The following PSAP variants were observed in gnomAD, a reference collection of about 807,000 sequenced individuals.
PSAP encodes the protein prosaposin.
In PSAP, 25 loss-of-function variants were observed where a neutral mutation model predicts 66.0. The observed-to-expected ratio is 0.38, with a 90% confidence interval of 0.28 to 0.53. PSAP has a LOEUF of 0.53. Among genes scored for constraint, PSAP ranks in the 20% least tolerant of loss-of-function variants. The probability of loss-of-function intolerance (pLI) is 0.83; values close to 1 mark genes in which losing one functional copy is unlikely to be tolerated. For missense variants in PSAP, 649 were observed against 668.8 expected (o/e 0.97, Z 0.33); for synonymous variants, 273 against 258.9 (o/e 1.05, Z -0.52).
rs1267224261 is a variant in PSAP, at chr10:71,824,061, G to A, written c.777+1776C>T. 3.3e-5 allele frequency among the ~76,000 whole-genome samples: 5 copies of A among 152,178 alleles called. No individual in the cohort carries two copies. In the South Asian group the frequency reaches 8.3e-4, roughly 25 times the overall value. Reference sequence around the variant, plus strand: ...CAATCAGATCTTAGCAACCTACCTTGTTCCTGCTATCTTGCGGACAAGGGG... The same window carrying A: ...CAATCAGATCTTAGCAACCTACCTTATTCCTGCTATCTTGCGGACAAGGGG... On this transcript the variant is annotated intron_variant, in intron 7 of 13. Coordinates refer to ENST00000394936, the MANE Select transcript of PSAP (RefSeq NM_002778.4).
chr10:71,821,791 G>A, intron 8 of PSAP, 85 bp downstream of exon 8: 1 of 1,582,346 alleles, frequency 6.3e-7, no homozygotes. Flanking sequence ...AAAGAAACAA[G>A]TGACTCGTAA....
chr10:71,831,799 T>A (rs1261433707), intron 3 of PSAP, 47 bp downstream of exon 3: 1 of 1,564,296 alleles, frequency 6.4e-7, no homozygotes, highest in Non-Finnish European at 8.8e-7. Context: ...TAGGAACCAG[T>A]GCACGTGCCC....
chr10:71,822,048 G>A (rs748899800), intron 7 of PSAP, 41 bp from the exon 8 acceptor site: 10 of 1,613,332 alleles, frequency 6.2e-6, no homozygotes, highest in Middle Eastern at 1.6e-4. Flanking sequence ...GCAAGCCTAC[G>A]CCCACTGCTC....
rs1319856023 is a variant in PSAP, at chr10:71,819,122, A to G, written c.1351-11T>C. 6.2e-7 allele frequency: 1 copy of G among 1,612,342 alleles called. No homozygotes were observed. The stretch of plus-strand genomic sequence containing the variant: ...CACAAACTGATCACACTATAAAGGA[A>G]AGTGGGGACACAGGTCCAGCTCTGG... On this transcript the variant is annotated splice_polypyrimidine_tract_variant and intron_variant, in intron 11 of 13. Transcript: ENST00000394936.
At chr10:71,817,869 A>T (rs9415054) in intron 13 of PSAP, among the ~76,000 whole-genome samples, 59,587 of 152,092 alleles carry the variant, frequency 0.39, 12,296 homozygotes, top group South Asian at 0.5. Flanking sequence ...AAGCAGGCCC[A>T]CATTTCCCCA....
At position 71,831,129 on chromosome 10, in the gene PSAP, T is replaced by A; in HGVS notation, c.372A>T (p.Glu124Asp). 6.2e-7 allele frequency: 1 copy of A among 1,613,988 alleles called. No homozygotes were observed. ...AAGCCTATTCCCCATCACTTACCATTTCTCCTTTAATGATGTCCAGGATGA... is the reference window on the plus strand; with the variant it reads ...AAGCCTATTCCCCATCACTTACCATATCTCCTTTAATGATGTCCAGGATGA... ...LPVILDIIKG[E>D]MSRPGEVCSA... is the part of the protein sequence containing the mutation. Residue 124 changes from glutamate to aspartate, a missense_variant, in exon 4 of 14, where the codon GAA (glutamate) becomes GAT (aspartate). Glu to Asp is a conservative substitution (Grantham distance 45). Transcript: ENST00000394936.
At chr10:71,817,849 G>A (rs191275122) in intron 13 of PSAP, among the ~76,000 whole-genome samples, 6 of 152,330 alleles carry the variant, frequency 3.9e-5, no homozygotes, top group East Asian at 3.9e-4. Flanking sequence ...ACACCAGCTC[G>A]GGCCTTGAGA....
At chr10:71,825,770 A>C in intron 7 of PSAP, 67 bp downstream of exon 7, 1 of 1,470,220 alleles carries the variant, frequency 6.8e-7, no homozygotes, top group Admixed American at 1.7e-5. Flanking sequence ...AATTTTCAAA[A>C]TTCCTAGAAA....
intron 1 of PSAP, among the ~76,000 whole-genome samples, chr10:71,844,127 A>G (rs768094278): frequency 2.2e-4 from 34 of 152,254 alleles, no homozygotes; most frequent in Non-Finnish European, 3.7e-4. Flanking sequence ...AGTTTTAACA[A>G]TATCAAATGT....
intron 1 of PSAP, among the ~76,000 whole-genome samples, chr10:71,848,936 C>T (rs1842875212): frequency 6.6e-6 from 1 of 152,130 alleles, no homozygotes; most frequent in African/African-American, 2.4e-5. Flanking sequence ...GGAAGAGGGT[C>T]CCTTGGTTAA....
intron 5 of PSAP, 125 bp from the exon 6 acceptor site, chr10:71,828,282 C>T: frequency 1.0e-6 from 1 of 979,796 alleles, no homozygotes; most frequent in Non-Finnish European, 1.6e-6. Flanking sequence ...GCTTTACAGG[C>T]TCTCAAATTA....
rs752502422 is a variant in PSAP, at chr10:71,819,849, G to C, written c.1057C>G (p.Leu353Val). ...ACCACCTCCTGGCACTCTTCCGACA[G>C]GGACTTCGGCAGCTTCGAGCACATT... is the stretch of plus-strand genomic sequence containing the variant. ...DKMCSKLPKSLSEECQEVVDT... is the reference protein window; with the variant it reads ...DKMCSKLPKSVSEECQEVVDT... The change falls in exon 10 of 14, where the codon CTG becomes GTG. Residue 353 changes from leucine to valine, a missense_variant. Coordinates refer to ENST00000394936, the MANE Select transcript of PSAP (RefSeq NM_002778.4). 4 of 1,614,070 alleles carry C rather than the reference G, an allele frequency of 2.5e-6. No individual in the cohort carries two copies. In the African/African-American group the frequency reaches 5.3e-5, roughly 22 times the overall value.
chr10:71,821,706 G>C (rs1842303153), intron 8 of PSAP, among the ~76,000 whole-genome samples, 170 bp downstream of exon 8: 1 of 152,196 alleles, frequency 6.6e-6, no homozygotes, highest in Non-Finnish European at 1.5e-5. Context: ...AGGGTCGGGG[G>C]CTGCATTAGT....
chr10:71,819,992 T>C, intron 9 of PSAP, 92 bp from the exon 10 acceptor site: 104 of 993,112 alleles, frequency 1.0e-4, no homozygotes, highest in Non-Finnish European at 1.5e-4. Flanking sequence ...AGGAAATGAG[T>C]CAATGGTGGG....
intron 12 of PSAP, 22 bp from the exon 13 acceptor site, chr10:71,818,746 GAAGA>G: frequency 4.4e-6 from 7 of 1,592,112 alleles, no homozygotes; most frequent in South Asian, 1.1e-5. Context: ...GAAAAGGAAA[GAAGA>G]AAGGGGGAGA....
At chr10:71,819,333 C>T in intron 11 of PSAP, 132 bp downstream of exon 11, 1 of 1,384,052 alleles carries the variant, frequency 7.2e-7, no homozygotes, top group Non-Finnish European at 1.0e-6. Context: ...CAAATCACCT[C>T]CAAGTAAAAC....
chr10:71,833,622 TACC>T (rs923114065), intron 2 of PSAP, among the ~76,000 whole-genome samples: 1 of 152,202 alleles, frequency 6.6e-6, no homozygotes, highest in African/African-American at 2.4e-5. Flanking sequence ...ACACAGCCCG[TACC>T]ACATGATGGC....
chr10:71,840,297 C>T (rs921990075), intron 1 of PSAP, among the ~76,000 whole-genome samples: 4 of 152,124 alleles, frequency 2.6e-5, no homozygotes, highest in Admixed American at 1.3e-4. Flanking sequence ...ACCATGGCAA[C>T]AGGCAGGTTG....
rs1425722576 is a variant in PSAP at position 71,822,520 on chromosome 10, T to C, written c.778-513A>G. 1.3e-5 allele frequency: 6 copies of C among 459,504 alleles called. No individual in the cohort carries two copies. The East Asian group carries it at 3.5e-4, about 27-fold the overall frequency. 28.5% of individuals were successfully genotyped at this position (459,504 alleles called of 1,614,324 possible). A position where few individuals can be genotyped will look rare whatever the true frequency, so the allele number is the denominator to read the frequency against. ...GCTGGCTTTTTAAAAAACCACATTC[T>C]ATGTTCAAGCTGCACACAGTGCACA... is the stretch of plus-strand genomic sequence containing the variant. On this transcript the variant is annotated intron_variant, in intron 7 of 13. Coordinates refer to ENST00000394936, the MANE Select transcript of PSAP (RefSeq NM_002778.4).
Sources: allele counts gnomAD v4.1 joint callset (sites outside exome capture counted in the v4.1 genomes callset), GRCh38; gene constraint gnomAD v4.1.1; transcripts MANE v1.5; gene names NCBI Gene and HGNC (gene_info 2026-07-23, HGNC 2026-07-21).